Variants in TERF1 observed in about 807,000 individuals in gnomAD.
TERF1 encodes telomeric repeat-binding factor 1.
In TERF1, 20 loss-of-function variants were observed where a neutral mutation model predicts 55.1. That is an observed-to-expected ratio of 0.36 (90% CI 0.26 to 0.53). The LOEUF is 0.53. TERF1 is among the 20% of genes least tolerant of loss of function. The pLI, the probability that TERF1 is intolerant of heterozygous loss-of-function variation, is 0.91. For missense variants in TERF1, 439 were observed against 535.7 expected (o/e 0.82, Z 1.78); for synonymous variants, 168 against 181.2 (o/e 0.93, Z 0.59).
At chr8:73,023,177 T>G (rs1328894716) in intron 4 of TERF1, among the ~76,000 whole-genome samples, 5 of 152,240 alleles carry the variant, frequency 3.3e-5, no homozygotes, top group African/African-American at 1.2e-4. Context: ...TAGAACTGAT[T>G]AGTCATAAGA....
At chr8:73,030,487 A>T (rs564629712) in intron 7 of TERF1, 92 bp downstream of exon 7, 4 of 798,602 alleles carry the variant, frequency 5.0e-6, no homozygotes, top group Admixed American at 8.2e-5. Flanking sequence ...CATAAATGGT[A>T]CAATTGAAAG....
intron 6 of TERF1, among the ~76,000 whole-genome samples, chr8:73,029,292 A>G (rs1455361362): frequency 3.9e-5 from 6 of 152,196 alleles, no homozygotes; most frequent in Non-Finnish European, 7.3e-5. Flanking sequence ...TCCATCCTTC[A>G]TGAATACCAA....
chr8:73,041,791 G>T lies in TERF1; in HGVS notation c.1143+2572G>T, dbSNP rs55688729. ...TAATCTTTACCCTGAGACCTGGGGG[G>T]GCTCCTGGAGATAAAACTCACAAAA... On this transcript the variant is annotated intron_variant, in intron 9 of 9. Coordinates refer to ENST00000276603, the MANE Select transcript of TERF1 (RefSeq NM_017489.3). 5.5e-3 allele frequency among the ~76,000 whole-genome samples: 843 copies of T among 152,210 alleles called. 4 individuals are homozygous for T. Among genetic ancestry groups the T allele is most frequent in the African/African-American group, 0.019 (782 of 41,540 alleles).
chr8:73,023,612 T>G (rs2129785985), intron 4 of TERF1, among the ~76,000 whole-genome samples: 1 of 152,304 alleles, frequency 6.6e-6, no homozygotes, highest in Middle Eastern at 3.4e-3. Flanking sequence ...ATGAGACTAC[T>G]GAAAATTCTA....
chr8:73,022,629 C>T (rs2929579), intron 4 of TERF1, among the ~76,000 whole-genome samples: 2 of 151,734 alleles, frequency 1.3e-5, no homozygotes, highest in Non-Finnish European at 2.9e-5. Context: ...AAAATAAATA[C>T]AATTTTCCAG....
intron 4 of TERF1, among the ~76,000 whole-genome samples, chr8:73,023,420 G>T (rs1808853360): frequency 6.6e-6 from 1 of 152,198 alleles, no homozygotes; most frequent in South Asian, 2.1e-4. Context: ...TAGAGTTGGA[G>T]AGTGACTACC....
intron 7 of TERF1, 60 bp downstream of exon 7, chr8:73,030,455 G>C: frequency 8.8e-7 from 1 of 1,135,850 alleles, no homozygotes; most frequent in Admixed American, 3.5e-5. Context: ...AGCAATTCAT[G>C]CAGACCTAAT....
At chr8:73,021,680 A>G (rs181547803) in intron 3 of TERF1, among the ~76,000 whole-genome samples, 89 of 152,306 alleles carry the variant, frequency 5.8e-4, no homozygotes, top group African/African-American at 2.1e-3. Context: ...TAGCTTACCA[A>G]GTTTACATAG....
intron 5 of TERF1, among the ~76,000 whole-genome samples, chr8:73,025,872 G>T (rs1253312129): frequency 6.6e-6 from 1 of 151,198 alleles, no homozygotes; most frequent in Admixed American, 6.6e-5. Flanking sequence ...CTCCAGCCTG[G>T]GTGACAAAAT....
At position 73,014,029 on chromosome 8, in the gene TERF1, A is replaced by G. The variant is rs370841593; in HGVS notation, c.415+39A>G. 2.2e-4 allele frequency: 326 copies of G among 1,488,604 alleles called. 4 individuals are homozygous for G. In the East Asian group the frequency reaches 4.0e-3, roughly 18 times the overall value. 92.2% of individuals were successfully genotyped at this position (1,488,604 alleles called of 1,614,324 possible). On this transcript the variant is annotated intron_variant, in intron 2 of 9. Coordinates refer to ENST00000276603, the MANE Select transcript of TERF1 (RefSeq NM_017489.3). Reference sequence around the variant, plus strand: ...TTTATTTTATATTGGAAATATTTCAATCTGTTTCTAATGTAAGACAATGGG... The same window carrying G: ...TTTATTTTATATTGGAAATATTTCAGTCTGTTTCTAATGTAAGACAATGGG...
intron 9 of TERF1, among the ~76,000 whole-genome samples, chr8:73,044,883 A>G (rs910001982): frequency 2.0e-5 from 3 of 152,260 alleles, no homozygotes; most frequent in East Asian, 1.9e-4. Context: ...GCTGAATTAT[A>G]TAAGTATAAT....
rs1200169642 is a variant in TERF1, at chr8:73,037,664, AATATT to A, written c.1040-1442_1040-1438del. The stretch of plus-strand genomic sequence containing the variant: ...ATATAATATATATTATATGTATAAT[AATATT>A]ATATTATATATAATATATATTATAT... On this transcript the variant is annotated intron_variant, in intron 8 of 9. Transcript: ENST00000276603. Among the ~76,000 whole-genome samples, 38 of 48,464 alleles carry A rather than the reference AATATT, an allele frequency of 7.8e-4. No individual in the cohort carries two copies. In the South Asian group the frequency reaches 9.4e-3, roughly 12 times the overall value. The allele number at this position is 48,464 out of a possible 152,430, so 31.8% of individuals were successfully genotyped here. A position where few individuals can be genotyped will look rare whatever the true frequency, so the allele number is the denominator to read the frequency against.
chr8:73,027,859 A>G (rs750254399), intron 6 of TERF1, among the ~76,000 whole-genome samples: 1 of 151,910 alleles, frequency 6.6e-6, no homozygotes, highest in Non-Finnish European at 1.5e-5. Context: ...TTGGGGTTCA[A>G]GTTGGATCTA....
intron 2 of TERF1, among the ~76,000 whole-genome samples, chr8:73,015,933 A>G (rs762814335): frequency 6.6e-6 from 1 of 152,130 alleles, no homozygotes; most frequent in Non-Finnish European, 1.5e-5. Context: ...TATTTCTCAA[A>G]CACTATGTCA....
chr8:73,039,962 T>C (rs1809765510), intron 9 of TERF1, among the ~76,000 whole-genome samples: 1 of 151,784 alleles, frequency 6.6e-6, no homozygotes, highest in African/African-American at 2.4e-5. Context: ...GGCCCTTGTT[T>C]TCTTTTGTGG....
At chr8:73,023,146 C>T (rs1178771679) in intron 4 of TERF1, among the ~76,000 whole-genome samples, 1 of 152,004 alleles carries the variant, frequency 6.6e-6, no homozygotes, top group Non-Finnish European at 1.5e-5. Flanking sequence ...ATATGCATTT[C>T]TTTTGGGTTT....
At chr8:73,031,336 A>T (rs1247540159) in intron 7 of TERF1, 1 of 152,272 alleles carries the variant, frequency 6.6e-6, no homozygotes, top group African/African-American at 2.4e-5. Flanking sequence ...CATTCTAGAA[A>T]GGACAATAGA....
chr8:73,035,551 GTT>G (rs1185266673), intron 8 of TERF1, among the ~76,000 whole-genome samples: 1 of 151,880 alleles, frequency 6.6e-6, no homozygotes, highest in Non-Finnish European at 1.5e-5. Flanking sequence ...ATTAGGTCAA[GTT>G]TTTAATAATG....
chr8:73,040,773 T>A (rs1027812260), intron 9 of TERF1, among the ~76,000 whole-genome samples: 1 of 152,188 alleles, frequency 6.6e-6, no homozygotes, highest in Non-Finnish European at 1.5e-5. Context: ...TGTTCTTAGT[T>A]ATTCCTTTAT....
Sources: allele counts gnomAD v4.1 joint callset (sites outside exome capture counted in the v4.1 genomes callset), GRCh38; gene constraint gnomAD v4.1.1; transcripts MANE v1.5; gene names NCBI Gene and HGNC (gene_info 2026-07-23, HGNC 2026-07-21).